ADAM32: variants seen among roughly 807,000 people sequenced by gnomAD.
ADAM32 encodes the protein disintegrin and metalloproteinase domain-containing protein 32.
A neutral mutation model predicts 114.9 loss-of-function variants in ADAM32; 89 were observed. The ratio of observed to expected loss-of-function variants is 0.77; its 90% CI spans 0.65 to 0.92. The LOEUF is 0.92. Ranked by LOEUF, ADAM32 falls within the 40% of genes least tolerant of loss-of-function variation. The probability of loss-of-function intolerance (pLI) is 0.00; values close to 1 mark genes in which losing one functional copy is unlikely to be tolerated. For synonymous variants in ADAM32, 285 were observed against 307.5 expected, an observed-to-expected ratio of 0.93 and a Z score of 0.77; for missense variants, 870 against 932.8, an observed-to-expected ratio of 0.93 and a Z score of 0.88.
At chr8:39,247,057 A>C (rs1332016494) in intron 17 of ADAM32, among the ~76,000 whole-genome samples, 1 of 152,160 alleles carries the variant, frequency 6.6e-6, no homozygotes, top group East Asian at 1.9e-4. Flanking sequence ...GTGCTAAATA[A>C]TATTCCATTG....
chr8:39,168,058 TG>T (rs1804956648), intron 9 of ADAM32: 1 of 152,186 alleles, frequency 6.6e-6, no homozygotes, highest in South Asian at 2.1e-4. Context: ...ATACTAACAT[TG>T]TTTATCTTTA....
rs369296890 is a variant in ADAM32, at chr8:39,275,864, C to A, written c.2277C>A (p.Ser759Arg). Residue 759 changes from serine to arginine, a missense_variant and splice_region_variant, in exon 22 of 25, where the codon AGC becomes AGA. By Grantham distance (110) the Ser-to-Arg change is moderately radical. Transcript: ENST00000379907. ...RSESSSQADT[S>R]KSKSEDSAEA... The stretch of plus-strand genomic sequence containing the variant: ...AAAGCAGCAGTCAAGCTGATACTAG[C>A]AAGTAAGTGAATTAGGGGGCATTTT... 2.7e-5 allele frequency: 42 copies of A among 1,556,660 alleles called. No homozygotes were observed. In the African/African-American group the frequency reaches 5.2e-4, roughly 19 times the overall value.
chr8:39,148,086 G>A (rs1478424814), intron 4 of ADAM32, among the ~76,000 whole-genome samples: 2 of 152,066 alleles, frequency 1.3e-5, no homozygotes, highest in Non-Finnish European at 2.9e-5. Flanking sequence ...GCCTCAGTCA[G>A]TTCTCAACAT....
chr8:39,133,098 T>C lies in ADAM32; in HGVS notation c.139-3559T>C, dbSNP rs564233580. On this transcript the variant is annotated intron_variant, in intron 2 of 24. Transcript: ENST00000379907. ...GGGATGTTTGTTCTCCCAAACCTCA[T>C]GTTGCAATTTGACCTCAGTGTTGGA... Among the ~76,000 whole-genome samples, 16 of 152,296 alleles carry C rather than the reference T, an allele frequency of 1.1e-4. 1 individual carries two copies. The South Asian group carries it at 2.9e-3, about 28-fold the overall frequency.
intron 2 of ADAM32, among the ~76,000 whole-genome samples, chr8:39,129,083 C>A (rs181860802): frequency 6.6e-6 from 1 of 150,784 alleles, no homozygotes; most frequent in Non-Finnish European, 1.5e-5. Context: ...ATGTGTCTTG[C>A]CACCTTACCT....
At chr8:39,116,128 G>T (rs1840363608) in intron 1 of ADAM32, among the ~76,000 whole-genome samples, 1 of 152,144 alleles carries the variant, frequency 6.6e-6, no homozygotes, top group African/African-American at 2.4e-5. Flanking sequence ...TGCTGTTTTG[G>T]TTACTGTAGC....
intron 23 of ADAM32, among the ~76,000 whole-genome samples, chr8:39,281,950 A>G (rs563570027): frequency 3.5e-4 from 54 of 152,276 alleles, no homozygotes; most frequent in Middle Eastern, 6.8e-3. Context: ...ATTTTCCCCA[A>G]TGAAGGCACC....
At chr8:39,135,062 G>A (rs1247188873) in intron 2 of ADAM32, among the ~76,000 whole-genome samples, 2 of 152,112 alleles carry the variant, frequency 1.3e-5, no homozygotes, top group Non-Finnish European at 2.9e-5. Context: ...GGCTGAGGCA[G>A]GAGAATCACT....
At chr8:39,164,401 G>A (rs1414639003) in intron 7 of ADAM32, among the ~76,000 whole-genome samples, 1 of 152,110 alleles carries the variant, frequency 6.6e-6, no homozygotes, top group Admixed American at 6.5e-5. Context: ...GTTATTTCTA[G>A]TTTTTAGCTA....
chr8:39,147,340 C>T (rs1218116848), intron 4 of ADAM32, 135 bp downstream of exon 4: 3 of 367,802 alleles, frequency 8.2e-6, no homozygotes, highest in Non-Finnish European at 1.3e-5. Flanking sequence ...TCAGGGTTTC[C>T]TGAAGTTTTG....
At chr8:39,274,290 A>G (rs371663568) in intron 20 of ADAM32, 22 bp from the exon 21 acceptor site, 7 of 1,612,788 alleles carry the variant, frequency 4.3e-6, no homozygotes, top group East Asian at 2.2e-5. Context: ...AACTTGAGAC[A>G]TTGCTTTCAA....
At chr8:39,182,964 C>T (rs950683968) in intron 10 of ADAM32, among the ~76,000 whole-genome samples, 1 of 152,108 alleles carries the variant, frequency 6.6e-6, no homozygotes, top group Non-Finnish European at 1.5e-5. Flanking sequence ...GGTTGCTTCC[C>T]GTACTCTGAG....
chr8:39,145,699 AT>A (rs1402793113), intron 3 of ADAM32, among the ~76,000 whole-genome samples: 1 of 151,832 alleles, frequency 6.6e-6, no homozygotes, highest in Non-Finnish European at 1.5e-5. Context: ...TTATTTATTT[AT>A]TTTTTTGTTT....
intron 19 of ADAM32, among the ~76,000 whole-genome samples, chr8:39,269,844 G>T (rs1011928492): frequency 2.0e-5 from 3 of 152,278 alleles, no homozygotes; most frequent in Middle Eastern, 3.4e-3. Flanking sequence ...CCAAGACTGG[G>T]TAATTTATAA....
At chr8:39,233,848 C>T (rs1367186936) in intron 15 of ADAM32, 51 bp from the exon 16 acceptor site, 6 of 1,172,266 alleles carry the variant, frequency 5.1e-6, no homozygotes, top group Non-Finnish European at 6.6e-6. Flanking sequence ...CCAAAGCATT[C>T]CTAATAAATT....
chr8:39,284,769 G>T, intron 24 of ADAM32, 24 bp from the exon 25 acceptor site: 1 of 1,613,436 alleles, frequency 6.2e-7, no homozygotes, highest in Non-Finnish European at 8.5e-7. Context: ...CTTTGAGCAC[G>T]TGTTTTTTTG....
At chr8:39,191,824 A>G (rs1806633049) in intron 11 of ADAM32, among the ~76,000 whole-genome samples, 1 of 152,072 alleles carries the variant, frequency 6.6e-6, no homozygotes, top group Admixed American at 6.6e-5. Flanking sequence ...AAATGTTTCC[A>G]GTTCCTATGT....
intron 16 of ADAM32, among the ~76,000 whole-genome samples, chr8:39,243,908 C>A (rs534785620): frequency 6.6e-6 from 1 of 151,910 alleles, no homozygotes; most frequent in Non-Finnish European, 1.5e-5. Flanking sequence ...AAAAAAGCTC[C>A]GAGATTAGAT....
chr8:39,150,049 G>A (rs2129445515), intron 5 of ADAM32, among the ~76,000 whole-genome samples, 182 bp downstream of exon 5: 1 of 152,238 alleles, frequency 6.6e-6, no homozygotes, highest in Non-Finnish European at 1.5e-5. Flanking sequence ...AGTGACCAGA[G>A]ACATTTCTAA....
Sources: allele counts gnomAD v4.1 joint callset (sites outside exome capture counted in the v4.1 genomes callset), GRCh38; gene constraint gnomAD v4.1.1; transcripts MANE v1.5; gene names NCBI Gene and HGNC (gene_info 2026-07-23, HGNC 2026-07-21).